PSG8: variants seen among roughly 807,000 people sequenced by gnomAD.
The protein encoded by PSG8 is pregnancy specific beta-1-glycoprotein 8, also known as pregnancy-specific beta-1-glycoprotein 8.
Under a neutral mutation model 42.5 loss-of-function variants are expected in PSG8, and 57 were observed. The observed-to-expected ratio is 1.34, with a 90% CI of 1.08 to 1.67. The LOEUF (loss-of-function observed/expected upper bound fraction) is 1.67. Ranked by LOEUF, PSG8 falls within the 40% of genes most tolerant of loss-of-function variation. The pLI is 0.00. For synonymous variants in PSG8, 280 were observed against 196.8 expected, an observed-to-expected ratio of 1.42 and a Z score of -3.54; for missense variants, 783 against 518.6, an observed-to-expected ratio of 1.51 and a Z score of -4.95.
chr19:42,754,132 G>C, downstream of PSG8: 2 of 1,365,992 alleles, frequency 1.5e-6, no homozygotes, highest in East Asian at 4.7e-5. Flanking sequence ...GTCTAGGCTG[G>C]GAATTTTATG....
At chr19:42,764,718 C>T (rs1297126868) in intron 1 of PSG8, among the ~76,000 whole-genome samples, 2 of 152,042 alleles carry the variant, frequency 1.3e-5, no homozygotes, top group Non-Finnish European at 1.5e-5. Flanking sequence ...AACACCTGAC[C>T]TTACATTCTA....
chr19:42,758,148 G>A lies in PSG8; in HGVS notation c.563C>T (p.Pro188Leu), dbSNP rs766646869. 6.2e-7 allele frequency: 1 copy of A among 1,613,994 alleles called. No individual in the cohort carries two copies. Among genetic ancestry groups the A allele is most frequent in the Non-Finnish European group, 8.5e-7 (1 of 1,179,958 alleles). Residue 188 changes from proline to leucine, a missense_variant, in exon 3 of 5, where the codon CCT (proline) becomes CTT (leucine). Coordinates refer to ENST00000306511, the MANE Select transcript of PSG8 (RefSeq NM_182707.3). ...YLWWMNGQSLPMSHRLQLSET... is the reference protein window; with the variant it reads ...YLWWMNGQSLLMSHRLQLSET... ...AGACAACTGCAACCTGTGAGACATAGGGAGGCTCTGACCATTCATCCACCA... is the reference window on the plus strand; with the variant it reads ...AGACAACTGCAACCTGTGAGACATAAGGAGGCTCTGACCATTCATCCACCA...
chr19:42,763,726 T>A, intron 2 of PSG8, 190 bp downstream of exon 2: 1 of 1,147,568 alleles, frequency 8.7e-7, no homozygotes, highest in Non-Finnish European at 1.3e-6. Context: ...AGGGTCTGGA[T>A]GCGGGAAAGG....
At chr19:42,758,417 C>A in intron 2 of PSG8, 137 bp from the exon 3 acceptor site, 2 of 1,505,646 alleles carry the variant, frequency 1.3e-6, no homozygotes, top group South Asian at 2.7e-5. Flanking sequence ...GTGTGTGTTG[C>A]AAGACAGATG....
chr19:42,759,747 A>T (rs971094995), intron 2 of PSG8, among the ~76,000 whole-genome samples: 1 of 152,184 alleles, frequency 6.6e-6, no homozygotes, highest in African/African-American at 2.4e-5. Flanking sequence ...TGGAGGAAAC[A>T]TTAAAATGTT....
intron 2 of PSG8, among the ~76,000 whole-genome samples, chr19:42,760,985 C>T (rs1176259761): frequency 2.0e-5 from 3 of 152,088 alleles, no homozygotes; most frequent in Admixed American, 6.6e-5. Context: ...TGACAGGAAG[C>T]CAGAAGTCTC....
intron 1 of PSG8, among the ~76,000 whole-genome samples, chr19:42,765,157 C>T (rs979027635): frequency 1.4e-5 from 2 of 143,144 alleles, no homozygotes; most frequent in Non-Finnish European, 3.0e-5. Context: ...TCTTTTTTCT[C>T]TTTTTTTTTT....
chr19:42,764,277 T>A lies in PSG8; in HGVS notation c.69A>T (p.Ser23=). The change falls in exon 2 of 5, where the codon TCA becomes TCT. Residue 23 remains serine, a synonymous_variant. Coordinates refer to ENST00000306511, the MANE Select transcript of PSG8 (RefSeq NM_182707.3). ...TGGGTGGGTTCCAGAAGTTTAAAAG[T>A]GATGCTAGGAGGTGGAGAGAGCATC... The part of the protein sequence containing the change: ...ITWKGLLLTA[S]LLNFWNPPTT... 3.7e-6 allele frequency: 6 copies of A among 1,612,452 alleles called. No individual in the cohort carries two copies. Among genetic ancestry groups the A allele is most frequent in the Non-Finnish European group, 5.1e-6 (6 of 1,179,172 alleles).
chr19:42,762,671 A>C (rs1267099473), intron 2 of PSG8, among the ~76,000 whole-genome samples: 1 of 151,784 alleles, frequency 6.6e-6, no homozygotes, highest in Non-Finnish European at 1.5e-5. Flanking sequence ...TTTGGGAAAC[A>C]CAGGATTTCA....
downstream of PSG8, chr19:42,754,101 A>T: frequency 8.5e-7 from 1 of 1,175,048 alleles, no homozygotes. Context: ...ATTTCATTGA[A>T]ATCAATGTTT....
intron 1 of PSG8, 123 bp downstream of exon 1, chr19:42,765,395 A>T: frequency 6.9e-7 from 1 of 1,459,130 alleles, no homozygotes; most frequent in East Asian, 2.3e-5. Context: ...CTCATGATCC[A>T]CCTGCCTCAG....
In PSG8 at chr19:42,755,230, A is replaced by C. The variant is rs780473816; in HGVS notation, c.746T>G (p.Leu249Ter). 109 of 1,611,908 alleles carry C rather than the reference A, an allele frequency of 6.8e-5. No homozygotes were observed. Among genetic ancestry groups the C allele is most frequent in the Admixed American group, 8.3e-5 (5 of 59,984 alleles). The part of the protein sequence containing the change: ...LPKPYITINN[L>*]KPRENKDVLN... ...GACATCCTTATTCTCCCTGGGTTTT[A>C]AGTTGTTGATGGTGATGTAGGGCTT... Residue 249 changes from leucine (L) to a stop codon, truncating the protein, a stop_gained, in exon 4 of 5, where the codon TTA becomes TGA. Transcript: ENST00000306511. LOFTEE classifies it high-confidence loss of function.
At chr19:42,764,388 A>C (rs1970162184) in intron 1 of PSG8, 107 bp from the exon 2 acceptor site, 1 of 1,485,648 alleles carries the variant, frequency 6.7e-7, no homozygotes, top group Admixed American at 2.2e-5. Context: ...CCTTGAAGAC[A>C]CAGACACACA....
intron 2 of PSG8, among the ~76,000 whole-genome samples, chr19:42,762,006 A>T (rs1406930281): frequency 1.3e-5 from 2 of 151,708 alleles, no homozygotes; most frequent in African/African-American, 4.8e-5. Flanking sequence ...TGACCTGGGG[A>T]CATTGGCTCG....
Position 42,754,502 on chromosome 19 carries a change from A to G in PSG8, c.1074T>C (p.Ser358=), listed in dbSNP as rs1969863481. 1.2e-6 allele frequency: 2 copies of G among 1,613,774 alleles called. No homozygotes were observed. Among genetic ancestry groups the G allele is most frequent in the Non-Finnish European group, 1.7e-6 (2 of 1,179,866 alleles). The change falls in exon 5 of 5, where the codon TCT becomes TCC. Residue 358 remains serine (S), a synonymous_variant. Transcript: ENST00000306511. Reference sequence around the variant, plus strand: ...TCCAAGAATACTGTGCCGGTGGGTTAGAGTCCGCAGAACAGGACAAGTAGA... The same window carrying G: ...TCCAAGAATACTGTGCCGGTGGGTTGGAGTCCGCAGAACAGGACAAGTAGA... The part of the protein sequence containing the change: ...EVLYLSCSAD[S]NPPAQYSWTI...
At chr19:42,753,154 T>G (rs1969822986), downstream of PSG8, 1 of 701,782 alleles carries the variant, frequency 1.4e-6, no homozygotes, top group Non-Finnish European at 2.6e-6. Flanking sequence ...CATCCACTTG[T>G]TGTCCTGGTT....
chr19:42,764,251 G>C lies in PSG8; in HGVS notation c.95C>G (p.Thr32Arg). The C allele has an allele frequency of 6.2e-7, 1 of 1,613,626 alleles. No individual in the cohort carries two copies. Among genetic ancestry groups the C allele is most frequent in the East Asian group, 2.2e-5 (1 of 44,820 alleles). ...GGCTTCAATCGTGACTTGGGCAGTC[G>C]TGGGTGGGTTCCAGAAGTTTAAAAG... ...ASLLNFWNPP[T>R]TAQVTIEAQP... The change falls in exon 2 of 5, where the codon ACG (threonine) becomes AGG (arginine). Residue 32 changes from threonine (T) to arginine (R), a missense_variant. Physicochemically the swap from Thr to Arg is moderately conservative, Grantham distance 71 (BLOSUM62 -1). Coordinates refer to ENST00000306511, the MANE Select transcript of PSG8 (RefSeq NM_182707.3).
intron 3 of PSG8, 49 bp downstream of exon 3, chr19:42,757,953 G>C (rs751670369): frequency 6.2e-7 from 1 of 1,613,920 alleles, no homozygotes; most frequent in Non-Finnish European, 8.5e-7. Context: ...CTCTGGCCAC[G>C]TGTATTTGGG....
chr19:42,765,497 C>A (rs375141281), intron 1 of PSG8, 21 bp downstream of exon 1: 44 of 1,609,096 alleles, frequency 2.7e-5, no homozygotes, highest in Non-Finnish European at 3.5e-5. Context: ...CCTGTCCTCT[C>A]CCAGGAGGTT....
Sources: gnomAD v4.1 joint callset for allele counts (sites outside exome capture counted in the v4.1 genomes callset) on GRCh38, gnomAD v4.1.1 for gene constraint, MANE v1.5 for transcripts, NCBI Gene and HGNC (gene_info 2026-07-23, HGNC 2026-07-21) for gene names.